ARL17B: variants seen among roughly 807,000 people sequenced by gnomAD.
ARL17B encodes the protein ARF like GTPase 17B.
chr17:46,280,905 C>T (rs2049745631), intron 4 of ARL17B, among the ~76,000 whole-genome samples: 1 of 152,142 alleles, frequency 6.6e-6, no homozygotes, highest in African/African-American at 2.4e-5. Flanking sequence ...AAATACCTGC[C>T]AAGAAAGGGT....
rs1475761328 is a variant in ARL17B, at chr17:46,336,094, TGAGA to T, written c.*3402_*3405del. ...AAGGGGAAGGGAAGGCCACCGGGTGTGAGAGAGAGGGCACTTGTCTCCTTCAAGG... is the reference window on the plus strand; with the variant it reads ...AAGGGGAAGGGAAGGCCACCGGGTGTGAGAGGGCACTTGTCTCCTTCAAGG... On this transcript the variant is annotated 3_prime_UTR_variant, in exon 4 of 4. Transcript: ENST00000450673. Among the ~76,000 whole-genome samples, 137 of 15,704 alleles carry T rather than the reference TGAGA, an allele frequency of 8.7e-3. 2 individuals carry two copies. Among genetic ancestry groups the T allele is most frequent in the African/African-American group, 9.1e-3 (130 of 14,216 alleles). The allele number at this position is 15,704 out of a possible 152,430, so 10.3% of individuals were successfully genotyped here.
intron 4 of ARL17B, among the ~76,000 whole-genome samples, chr17:46,278,401 G>GTTTTTTTTTTTTTTT (rs1464305633): frequency 1.5e-5 from 2 of 129,628 alleles, no homozygotes; most frequent in Non-Finnish European, 1.6e-5. Flanking sequence ...GTTTTATTTT[G>GTTTTTTTTTTTTTTT]TTTTTTTTTT....
chr17:46,290,255 CA>C (rs2050030762), intron 4 of ARL17B, among the ~76,000 whole-genome samples: 1 of 152,168 alleles, frequency 6.6e-6, no homozygotes, highest in Non-Finnish European at 1.5e-5. Flanking sequence ...TCAGCCTCGC[CA>C]AGTAGCTGAG....
In ARL17B at chr17:46,323,983, G is replaced by A. The variant is rs2051555578; in HGVS notation, c.260-24318C>T. On this transcript the variant is annotated intron_variant, in intron 3 of 4. Transcript: ENST00000434041. ...ATGTCATTTCATAAAAAAGACCTCAGCATCTGTGGACTTTGGTAACTGCAG... is the reference window on the plus strand; with the variant it reads ...ATGTCATTTCATAAAAAAGACCTCAACATCTGTGGACTTTGGTAACTGCAG... Among the ~76,000 whole-genome samples the A allele has an allele frequency of 1.9e-5, 2 of 103,102 alleles. 1 individual carries two copies. Among genetic ancestry groups the A allele is most frequent in the Admixed American group, 2.0e-4 (2 of 10,244 alleles). 67.6% of individuals were successfully genotyped at this position (103,102 alleles called of 152,430 possible).
At chr17:46,285,452 G>C (rs533674013) in intron 4 of ARL17B, among the ~76,000 whole-genome samples, 221 of 152,110 alleles carry the variant, frequency 1.5e-3, no homozygotes, top group African/African-American at 5.2e-3. Context: ...ATGTTGGCCA[G>C]TCTGGTCTCA....
At chr17:46,285,343 C>T (rs1465137120) in intron 4 of ARL17B, among the ~76,000 whole-genome samples, 5 of 151,228 alleles carry the variant, frequency 3.3e-5, no homozygotes, top group South Asian at 4.2e-4. Context: ...TGTGTTCAAG[C>T]GATTCTCCTG....
At chr17:46,287,732 G>A (rs77471755) in intron 4 of ARL17B, among the ~76,000 whole-genome samples, 6,819 of 129,788 alleles carry the variant, frequency 0.053, no homozygotes, top group Non-Finnish European at 0.086. Flanking sequence ...CAACATCGGG[G>A]ACATGGTATG....
chr17:46,302,720 TA>T (rs1292147322), intron 3 of ARL17B: 2 of 165,744 alleles, frequency 1.2e-5, no homozygotes, highest in East Asian at 9.3e-5. Context: ...GTAAGTTAGT[TA>T]ATTATATTTA....
chr17:46,286,772 A>G (rs1178489245), intron 4 of ARL17B, among the ~76,000 whole-genome samples: 2 of 152,262 alleles, frequency 1.3e-5, no homozygotes, highest in Admixed American at 6.5e-5. Context: ...AAATTATTAA[A>G]TGTGATGCTC....
At position 46,352,833 on chromosome 17, in the gene ARL17B, GA is replaced by G; in HGVS notation, c.245del (p.Phe82SerfsTer25). ...FKIRPLWQHF[F>X]QNTKGARSPG... ...AATAATCTTTACCTTTTGTGTTCTG[GA>G]AAAAATGCTGCCACAGAGGTCTGAT... On this transcript the variant is annotated frameshift_variant, in exon 3 of 4. Transcript: ENST00000450673. LOFTEE classifies it high-confidence loss of function. 1.1e-5 allele frequency: 9 copies of G among 822,658 alleles called. No individual in the cohort carries two copies. The highest frequency in any genetic ancestry group is 1.6e-5 in the Non-Finnish European group (9 of 546,412). 51.0% of individuals were successfully genotyped at this position (822,658 alleles called of 1,614,324 possible).
At chr17:46,288,038 G>A (rs2049964957) in intron 4 of ARL17B, among the ~76,000 whole-genome samples, 1 of 152,190 alleles carries the variant, frequency 6.6e-6, no homozygotes. Context: ...GCTCTACCAA[G>A]GCATTTCTTG....
intron 4 of ARL17B, among the ~76,000 whole-genome samples, chr17:46,279,505 T>C (rs1288815612): frequency 3.0e-4 from 40 of 135,054 alleles, no homozygotes; most frequent in Admixed American, 4.3e-4. Context: ...TCTTTCTTTT[T>C]TTTTTTTTTT....
downstream of ARL17B, among the ~76,000 whole-genome samples, chr17:46,298,650 G>A (rs1441179787): frequency 9.0e-5 from 8 of 88,850 alleles, no homozygotes; most frequent in African/African-American, 2.6e-4. Context: ...CGTGAACCTG[G>A]GAGGCAGAGC....
chr17:46,279,553 G>C (rs2049702964), intron 4 of ARL17B, among the ~76,000 whole-genome samples: 1 of 147,252 alleles, frequency 6.8e-6, no homozygotes, highest in East Asian at 2.0e-4. Flanking sequence ...CCAGGCTGGA[G>C]TGTAGTTGCA....
intron 4 of ARL17B, among the ~76,000 whole-genome samples, chr17:46,291,316 CAT>C (rs1372926415): frequency 6.6e-6 from 1 of 152,194 alleles, no homozygotes; most frequent in Non-Finnish European, 1.5e-5. Flanking sequence ...ATTGAAAAGA[CAT>C]AGTCATGCTT....
At chr17:46,276,218 AC>A (rs1180111832) in intron 4 of ARL17B, among the ~76,000 whole-genome samples, 2 of 152,272 alleles carry the variant, frequency 1.3e-5, no homozygotes, top group Admixed American at 6.5e-5. Context: ...AAACCAAATT[AC>A]TGTACAGTTA....
downstream of ARL17B, among the ~76,000 whole-genome samples, chr17:46,274,252 C>T (rs570544724): frequency 5.0e-4 from 76 of 152,296 alleles, 1 homozygote; most frequent in African/African-American, 1.8e-3. Flanking sequence ...AATTTTAATA[C>T]AAAAAGAAAA....
At chr17:46,288,341 C>T (rs375196843) in intron 4 of ARL17B, among the ~76,000 whole-genome samples, 174 of 139,524 alleles carry the variant, frequency 1.2e-3, no homozygotes, top group African/African-American at 4.7e-3. Flanking sequence ...CGGAGCCTTG[C>T]TCTGTCTCCC....
intron 4 of ARL17B, among the ~76,000 whole-genome samples, chr17:46,288,494 TGC>T (rs773702365): frequency 1.8e-4 from 27 of 151,956 alleles, no homozygotes; most frequent in Non-Finnish European, 2.9e-4. Context: ...TTTTTGGTTG[TGC>T]CACGTTGGCC....
Sources: allele counts gnomAD v4.1 joint callset (sites outside exome capture counted in the v4.1 genomes callset), GRCh38; gene constraint gnomAD v4.1.1; transcripts MANE v1.5; gene names NCBI Gene and HGNC (gene_info 2026-07-23, HGNC 2026-07-21).